DTNA: variants seen among roughly 807,000 people sequenced by gnomAD.
The protein encoded by DTNA is dystrophin-related protein 3.
Under a neutral mutation model 100.7 loss-of-function variants are expected in DTNA, and 43 were observed. That is an observed-to-expected ratio of 0.43 (90% confidence interval 0.33 to 0.55). DTNA has a LOEUF of 0.55. Ranked by LOEUF, DTNA falls within the 20% of genes least tolerant of loss-of-function variation. The pLI, the probability that DTNA is intolerant of heterozygous loss-of-function variation, is 0.04. For missense variants in DTNA, 798 were observed against 953.9 expected (o/e 0.84, Z 2.15); for synonymous variants, 349 against 347.9 (o/e 1.00, Z -0.04).
chr18:34,642,266 G>C (rs1047564690), intron 1 of DTNA, among the ~76,000 whole-genome samples: 22 of 152,128 alleles, frequency 1.4e-4, no homozygotes, highest in African/African-American at 4.8e-4. Context: ...CTGCACTGGG[G>C]TCCCCCCTTA....
At chr18:34,510,983 G>A (rs1356639195) in intron 1 of DTNA, among the ~76,000 whole-genome samples, 3 of 151,936 alleles carry the variant, frequency 2.0e-5, no homozygotes, top group Non-Finnish European at 2.9e-5. Context: ...TGACAGAAAA[G>A]CATTACTTTC....
At chr18:34,700,019 C>G (rs1408755974) in intron 1 of DTNA, among the ~76,000 whole-genome samples, 1 of 152,190 alleles carries the variant, frequency 6.6e-6, no homozygotes, top group Non-Finnish European at 1.5e-5. Context: ...TAAGGAGATT[C>G]TATCTATGCA....
chr18:34,567,214 T>C (rs560815756), intron 1 of DTNA, among the ~76,000 whole-genome samples: 1 of 152,324 alleles, frequency 6.6e-6, no homozygotes, highest in South Asian at 2.1e-4. Context: ...TTGGGCATTT[T>C]AGATGTCTTT....
At chr18:34,572,414 A>G (rs551485391) in intron 1 of DTNA, among the ~76,000 whole-genome samples, 1 of 152,302 alleles carries the variant, frequency 6.6e-6, no homozygotes, top group South Asian at 2.1e-4. Context: ...CAATTTTCCT[A>G]AGTGTTTTAC....
At chr18:34,819,647 C>T (rs111992076) in intron 8 of DTNA, among the ~76,000 whole-genome samples, 2,048 of 152,168 alleles carry the variant, frequency 0.013, 31 homozygotes, top group African/African-American at 0.047. Context: ...GGTTGTAGAC[C>T]TAACATTATA....
intron 10 of DTNA, chr18:34,829,179 C>CT (rs2095938416): frequency 1.2e-6 from 2 of 1,606,336 alleles, no homozygotes; most frequent in Non-Finnish European, 1.7e-6. Context: ...GATTATTTCC[C>CT]TTTTTTCCCA....
intron 1 of DTNA, among the ~76,000 whole-genome samples, chr18:34,728,918 G>T (rs1022799152): frequency 3.3e-5 from 5 of 152,160 alleles, no homozygotes; most frequent in Admixed American, 2.0e-4. Flanking sequence ...TGGGGTGTGT[G>T]TACAGCCCTG....
chr18:34,888,362 G>A lies in DTNA; in HGVS notation c.*628G>A. 1 of 985,798 alleles carries A rather than the reference G, an allele frequency of 1.0e-6. No homozygotes were observed. Among genetic ancestry groups the A allele is most frequent in the South Asian group, 4.7e-5 (1 of 21,284 alleles). 61.1% of individuals were successfully genotyped at this position (985,798 alleles called of 1,614,324 possible). A position where few individuals can be genotyped will look rare whatever the true frequency, so the allele number is the denominator to read the frequency against. ...GAGTGTACAAACTCAGAGCCCGGAA[G>A]CCAAGAAGGGTCCTTGGCCTGCACG... is the stretch of plus-strand genomic sequence containing the variant. On this transcript the variant is annotated 3_prime_UTR_variant, in exon 23 of 23. Coordinates refer to ENST00000444659, the MANE Select transcript of DTNA (RefSeq NM_001386795.1).
At chr18:34,635,531 C>T (rs2148220977) in intron 1 of DTNA, among the ~76,000 whole-genome samples, 1 of 152,194 alleles carries the variant, frequency 6.6e-6, no homozygotes, top group Admixed American at 6.5e-5. Flanking sequence ...TATTAATAAA[C>T]TTTGCATAAT....
At chr18:34,499,979 A>G (rs926980804) in intron 1 of DTNA, among the ~76,000 whole-genome samples, 1 of 152,190 alleles carries the variant, frequency 6.6e-6, no homozygotes. Context: ...TATTGAACTC[A>G]TAATAGATTG....
At chr18:34,861,485 CAAAAAAAAAAAAAAA>C (rs11329850) in intron 16 of DTNA, among the ~76,000 whole-genome samples, 1 of 77,942 alleles carries the variant, frequency 1.3e-5, no homozygotes, top group African/African-American at 4.7e-5. Context: ...GACTCCGTCT[CAAAAAAAAAAAAAAA>C]AAAAAAAAAA....
At chr18:34,726,500 A>G (rs1029483915) in intron 1 of DTNA, among the ~76,000 whole-genome samples, 2 of 152,214 alleles carry the variant, frequency 1.3e-5, no homozygotes, top group African/African-American at 4.8e-5. Flanking sequence ...CGACAGTAAT[A>G]CTACAGGCAT....
chr18:34,863,786 A>T (rs540390778), intron 16 of DTNA, among the ~76,000 whole-genome samples, 180 bp from the exon 17 acceptor site: 2 of 152,364 alleles, frequency 1.3e-5, no homozygotes, highest in South Asian at 4.1e-4. Flanking sequence ...ATGACTGCTA[A>T]CAAAAGAAAC....
chr18:34,617,956 G>T (rs899791972), intron 1 of DTNA, among the ~76,000 whole-genome samples: 1 of 152,028 alleles, frequency 6.6e-6, no homozygotes, highest in Non-Finnish European at 1.5e-5. Context: ...CATTTTTAGA[G>T]AACTAATTTA....
At chr18:34,861,588 G>A (rs2096628700) in intron 16 of DTNA, among the ~76,000 whole-genome samples, 1 of 150,260 alleles carries the variant, frequency 6.7e-6, no homozygotes, top group Non-Finnish European at 1.5e-5. Context: ...CTTCTTTAGA[G>A]ATGAATACAT....
Position 34,506,348 on chromosome 18 carries a change from TA to T in DTNA, c.-2+12835del, listed in dbSNP as rs534896238. On this transcript the variant is annotated intron_variant, in intron 1 of 19. Coordinates refer to the DTNA transcript ENST00000283365. ...TTGACAACATAGTGGGGGTGAGGAA[TA>T]GGGGGGGTCTTTATTACCACTGGTG... 3.6e-4 allele frequency among the ~76,000 whole-genome samples: 54 copies of T among 151,216 alleles called. 1 individual carries two copies. Among genetic ancestry groups the T allele is most frequent in the Non-Finnish European group, 4.6e-4 (31 of 67,798 alleles).
Position 34,889,712 on chromosome 18 carries a change from T to C in DTNA, c.*1978T>C. On this transcript the variant is annotated 3_prime_UTR_variant, in exon 23 of 23. Transcript: ENST00000444659. The stretch of plus-strand genomic sequence containing the variant: ...GGATAAAGTGCTCAATTGGCATTAG[T>C]GAGAAGCCCATCCTATCCCTTGACA... The C allele has an allele frequency of 1.0e-6, 1 of 985,944 alleles. No homozygotes were observed. Among genetic ancestry groups the C allele is most frequent in the Non-Finnish European group, 1.2e-6 (1 of 830,034 alleles). 61.1% of individuals were successfully genotyped at this position (985,944 alleles called of 1,614,324 possible).
chr18:34,650,121 G>T (rs1431239967), intron 1 of DTNA, among the ~76,000 whole-genome samples: 17 of 152,016 alleles, frequency 1.1e-4, no homozygotes, highest in Non-Finnish European at 2.5e-4. Context: ...ACTTAAATTT[G>T]TTTCAAGTTT....
At chr18:34,672,078 G>C (rs2076834929) in intron 1 of DTNA, among the ~76,000 whole-genome samples, 1 of 152,124 alleles carries the variant, frequency 6.6e-6, no homozygotes, top group South Asian at 2.1e-4. Context: ...AGATGCAGGA[G>C]ACAAAAGACT....
Sources: allele counts gnomAD v4.1 joint callset (sites outside exome capture counted in the v4.1 genomes callset), GRCh38; gene constraint gnomAD v4.1.1; transcripts MANE v1.5; gene names NCBI Gene and HGNC (gene_info 2026-07-23, HGNC 2026-07-21).